DLG2: variants seen among roughly 807,000 people sequenced by gnomAD.
DLG2 encodes disks large homolog 2.
A neutral mutation model predicts 132.5 loss-of-function variants in DLG2; 45 were observed. That is an observed-to-expected ratio of 0.34 (90% CI 0.27 to 0.44). The LOEUF is 0.44. DLG2 is among the 20% of genes least tolerant of loss of function. The probability of loss-of-function intolerance (pLI) is 1.00; values close to 1 mark genes in which losing one functional copy is unlikely to be tolerated. For missense variants in DLG2, 1,045 were observed against 1,196.9 expected (o/e 0.87, Z 1.87); for synonymous variants, 424 against 419.6 (o/e 1.01, Z -0.13).
intron 16 of DLG2, among the ~76,000 whole-genome samples, chr11:83,854,911 G>T (rs550457608): frequency 6.6e-6 from 1 of 152,086 alleles, no homozygotes; most frequent in South Asian, 2.1e-4. Context: ...CAAAAGACAT[G>T]TCAGATAAAG....
chr11:84,793,169 A>ACACTGATCAT (rs767010212), intron 6 of DLG2, among the ~76,000 whole-genome samples: 13 of 152,166 alleles, frequency 8.5e-5, no homozygotes, highest in Non-Finnish European at 1.6e-4. Flanking sequence ...CTTCATTCAT[A>ACACTGATCAT]CACTGATCAT....
chr11:85,082,677 A>G (rs901902790), intron 6 of DLG2, among the ~76,000 whole-genome samples: 1 of 151,100 alleles, frequency 6.6e-6, no homozygotes, highest in African/African-American at 2.4e-5. Flanking sequence ...TAAAAAAACA[A>G]TTTTTTTGAG....
At chr11:84,927,934 G>A (rs2047596524) in intron 6 of DLG2, among the ~76,000 whole-genome samples, 1 of 151,852 alleles carries the variant, frequency 6.6e-6, no homozygotes, top group Admixed American at 6.6e-5. Context: ...TGTGGCTCAG[G>A]TATCTGTGTT....
chr11:85,557,147 CAGT>C (rs1170790136), intron 3 of DLG2, among the ~76,000 whole-genome samples: 1 of 151,492 alleles, frequency 6.6e-6, no homozygotes, highest in African/African-American at 2.4e-5. Flanking sequence ...ATGATGAGAA[CAGT>C]AATAATAATA....
intron 5 of DLG2, among the ~76,000 whole-genome samples, chr11:85,141,937 A>C (rs1192234919): frequency 6.6e-6 from 1 of 151,838 alleles, no homozygotes; most frequent in Admixed American, 6.6e-5. Flanking sequence ...TTCCAATACC[A>C]TACTGGTTTG....
chr11:83,842,950 T>A (rs1277230247), intron 16 of DLG2, among the ~76,000 whole-genome samples: 3 of 152,088 alleles, frequency 2.0e-5, no homozygotes, highest in African/African-American at 7.2e-5. Flanking sequence ...ACAACCTCCA[T>A]GGTGAGAGGC....
In DLG2 at chr11:83,508,403, A is replaced by ATTTTTTTTT. The variant is rs746968613; in HGVS notation, c.2194-24184_2194-24176dup. Among the ~76,000 whole-genome samples, 37 of 80,182 alleles carry ATTTTTTTTT rather than the reference A, an allele frequency of 4.6e-4. 4 individuals carry two copies. The highest frequency in any genetic ancestry group is 1.2e-3 in the African/African-American group (19 of 15,890). 52.6% of individuals were successfully genotyped at this position (80,182 alleles called of 152,430 possible). On this transcript the variant is annotated intron_variant, in intron 21 of 27. Coordinates refer to ENST00000376104, the MANE Select transcript of DLG2 (RefSeq NM_001142699.3). ...AGGTGCACACCACCACGCCTGGCTA[A>ATTTTTTTTT]TTTTTTTTTTTTTTTTTTTTTTAGT...
At chr11:85,078,033 T>C (rs2066774874) in intron 6 of DLG2, among the ~76,000 whole-genome samples, 1 of 151,932 alleles carries the variant, frequency 6.6e-6, no homozygotes, top group Non-Finnish European at 1.5e-5. Context: ...TCAGGTATTA[T>C]TACCTTTTTT....
At chr11:85,040,138 A>G (rs1167886041) in intron 6 of DLG2, among the ~76,000 whole-genome samples, 1 of 151,942 alleles carries the variant, frequency 6.6e-6, no homozygotes, top group African/African-American at 2.4e-5. Flanking sequence ...ACCCTATTGT[A>G]GATTAATTCT....
At chr11:85,028,608 G>C (rs371078607) in intron 6 of DLG2, among the ~76,000 whole-genome samples, 1 of 152,188 alleles carries the variant, frequency 6.6e-6, no homozygotes, top group Non-Finnish European at 1.5e-5. Context: ...CAGCCCTGCC[G>C]TAAGTGCATG....
intron 2 of DLG2, among the ~76,000 whole-genome samples, chr11:85,624,178 G>A (rs17208492): frequency 0.11 from 16,756 of 152,136 alleles, 1,196 homozygotes; most frequent in East Asian, 0.28. Context: ...TAAAGCAAAC[G>A]AGCAGTTAAT....
intron 6 of DLG2, among the ~76,000 whole-genome samples, chr11:84,810,603 T>C (rs2076449669): frequency 6.6e-6 from 1 of 152,160 alleles, no homozygotes; most frequent in African/African-American, 2.4e-5. Context: ...CATGCAACTA[T>C]TAACAAATAA....
At chr11:83,499,281 T>C (rs954388697) in intron 21 of DLG2, among the ~76,000 whole-genome samples, 1 of 152,158 alleles carries the variant, frequency 6.6e-6, no homozygotes, top group East Asian at 1.9e-4. Context: ...AGGTGTCTTA[T>C]AAACATAATG....
chr11:83,702,471 A>G (rs903831445), intron 18 of DLG2, among the ~76,000 whole-genome samples: 2 of 152,316 alleles, frequency 1.3e-5, no homozygotes, highest in East Asian at 1.9e-4. Context: ...CAGTTCTACA[A>G]ATGGTAGCTG....
At chr11:84,564,775 C>T (rs777376404) in intron 6 of DLG2, among the ~76,000 whole-genome samples, 1 of 152,174 alleles carries the variant, frequency 6.6e-6, no homozygotes, top group African/African-American at 2.4e-5. Context: ...ATGTGAGTGC[C>T]TGGCTGCTGC....
At chr11:83,656,745 C>T (rs2072574707) in intron 18 of DLG2, among the ~76,000 whole-genome samples, 1 of 152,148 alleles carries the variant, frequency 6.6e-6, no homozygotes, top group Admixed American at 6.5e-5. Flanking sequence ...CTTTAGATAT[C>T]ACTAATGAAT....
chr11:85,526,120 G>A (rs572721239), intron 3 of DLG2, among the ~76,000 whole-genome samples: 22 of 152,308 alleles, frequency 1.4e-4, no homozygotes, highest in African/African-American at 5.1e-4. Context: ...CACTAGTGGG[G>A]AAGAATTAGC....
intron 3 of DLG2, among the ~76,000 whole-genome samples, chr11:85,385,866 A>G (rs925043410): frequency 2.6e-5 from 4 of 152,202 alleles, no homozygotes; most frequent in African/African-American, 9.6e-5. Flanking sequence ...CTGTTTCAGA[A>G]GAGACACAAT....
intron 6 of DLG2, among the ~76,000 whole-genome samples, chr11:84,691,504 A>T (rs1349297726): frequency 6.6e-6 from 1 of 151,886 alleles, no homozygotes; most frequent in African/African-American, 2.4e-5. Flanking sequence ...ATACACTTAT[A>T]CACATCAGTT....
Sources: allele counts gnomAD v4.1 joint callset (sites outside exome capture counted in the v4.1 genomes callset), GRCh38; gene constraint gnomAD v4.1.1; transcripts MANE v1.5; gene names NCBI Gene and HGNC (gene_info 2026-07-23, HGNC 2026-07-21).